CCDC148: variants seen among roughly 807,000 people sequenced by gnomAD.
CCDC148 encodes coiled-coil domain-containing protein 148.
A neutral mutation model predicts 85.7 loss-of-function variants in CCDC148; 89 were observed. The observed-to-expected ratio is 1.04, with a 90% CI of 0.87 to 1.24. The LOEUF is 1.24. CCDC148 is among the 50% of genes most tolerant of loss of function. CCDC148 has a pLI of 0.00. For missense variants in CCDC148, 692 were observed against 671.7 expected (o/e 1.03, Z -0.33); for synonymous variants, 230 against 213.9 (o/e 1.08, Z -0.66).
At chr2:158,347,855 A>C (rs1285026506) in intron 2 of CCDC148, among the ~76,000 whole-genome samples, 1 of 152,090 alleles carries the variant, frequency 6.6e-6, no homozygotes, top group Non-Finnish European at 1.5e-5. Flanking sequence ...AGATATATAC[A>C]TTTTACTATA....
At chr2:158,395,430 G>C (rs1035084862) in intron 1 of CCDC148, among the ~76,000 whole-genome samples, 13 of 152,118 alleles carry the variant, frequency 8.5e-5, no homozygotes, top group African/African-American at 2.9e-4. Flanking sequence ...ATGTTAACAA[G>C]TGAATGAAGG....
chr2:158,395,788 T>C (rs1685495509), intron 1 of CCDC148, among the ~76,000 whole-genome samples: 1 of 152,104 alleles, frequency 6.6e-6, no homozygotes, highest in Non-Finnish European at 1.5e-5. Context: ...TTTGGCAAGT[T>C]GCTGCTATTA....
At position 158,309,649 on chromosome 2, in the gene CCDC148, T is replaced by C. The variant is rs1691877696; in HGVS notation, c.904-10A>G. On this transcript the variant is annotated splice_polypyrimidine_tract_variant and intron_variant, in intron 8 of 13. Coordinates refer to ENST00000283233, the MANE Select transcript of CCDC148 (RefSeq NM_138803.4). ...ATTTCTCGTGTTCAACCTGAAAAGA[T>C]AACAGAGGGTGAATACTTATCATTA... 1.3e-6 allele frequency: 2 copies of C among 1,585,386 alleles called. No individual in the cohort carries two copies. The highest frequency in any genetic ancestry group is 1.3e-5 in the African/African-American group (1 of 74,308).
Position 158,406,872 on chromosome 2 carries a change from C to G in CCDC148, c.26-48302G>C, listed in dbSNP as rs577832809. On this transcript the variant is annotated intron_variant, in intron 1 of 13. Transcript: ENST00000283233. ...TCCTGAACTCCAGTGAGTCTCCCAC[C>G]TCTGCCTCTCAAAGTGCAGGGATTA... 3.3e-5 allele frequency among the ~76,000 whole-genome samples: 5 copies of G among 152,126 alleles called. No homozygotes were observed. In the East Asian group the frequency reaches 9.7e-4, roughly 29 times the overall value.
chr2:158,221,520 T>G (rs1029352954), intron 10 of CCDC148, among the ~76,000 whole-genome samples: 1 of 152,188 alleles, frequency 6.6e-6, no homozygotes, highest in South Asian at 2.1e-4. Context: ...GACTGGCTCT[T>G]GCAGGTGAGT....
intron 10 of CCDC148, among the ~76,000 whole-genome samples, chr2:158,227,207 T>C (rs1421403129): frequency 6.6e-6 from 1 of 151,802 alleles, no homozygotes. Context: ...CCATTCACAA[T>C]TGCTTCAAAG....
intron 10 of CCDC148, among the ~76,000 whole-genome samples, chr2:158,224,025 C>T (rs1392162410): frequency 6.6e-6 from 1 of 152,054 alleles, no homozygotes; most frequent in Non-Finnish European, 1.5e-5. Flanking sequence ...CTACTCCGAG[C>T]TAAAGGAGGA....
rs1377655375 is a variant in CCDC148 at position 158,270,697 on chromosome 2, CT to C, written c.1111-19786del. Among the ~76,000 whole-genome samples the C allele has an allele frequency of 2.0e-5, 3 of 152,308 alleles. No individual in the cohort carries two copies. The East Asian group carries it at 5.8e-4, about 29-fold the overall frequency. ...TCCGAAGGATAGATTTCTCAAGTTC[CT>C]TGATGGTGATACAAATATAGCTCAA... On this transcript the variant is annotated intron_variant, in intron 9 of 13. Coordinates refer to ENST00000283233, the MANE Select transcript of CCDC148 (RefSeq NM_138803.4).
intron 1 of CCDC148, among the ~76,000 whole-genome samples, chr2:158,369,187 G>GT (rs943243946): frequency 4.0e-5 from 6 of 151,788 alleles, no homozygotes; most frequent in South Asian, 2.1e-4. Flanking sequence ...GTTTAAAGTA[G>GT]TTTTTTTTCT....
At chr2:158,311,960 T>G (rs943500198) in intron 8 of CCDC148, among the ~76,000 whole-genome samples, 7 of 152,140 alleles carry the variant, frequency 4.6e-5, no homozygotes, top group Admixed American at 4.6e-4. Context: ...AAAACCTCTG[T>G]GGGTCATTCT....
In CCDC148 at chr2:158,176,509, T is replaced by C; in HGVS notation, c.1629+12A>G. ...TGGCTTTTTCATCAGTCATGCTAAT[T>C]TCCATAATTACCTGCTGTTCATTGT... On this transcript the variant is annotated intron_variant, in intron 13 of 13. Transcript: ENST00000283233. 1 of 1,608,816 alleles carries C rather than the reference T, an allele frequency of 6.2e-7. No individual in the cohort carries two copies. The highest frequency in any genetic ancestry group is 8.5e-7 in the Non-Finnish European group (1 of 1,176,342).
intron 1 of CCDC148, among the ~76,000 whole-genome samples, chr2:158,429,221 C>T (rs191370250): frequency 7.2e-5 from 11 of 152,150 alleles, no homozygotes; most frequent in Non-Finnish European, 1.5e-4. Flanking sequence ...ACCAACATGG[C>T]ACATGTATAC....
At chr2:158,313,943 T>G in intron 7 of CCDC148, 49 bp from the exon 8 acceptor site, 1 of 1,575,486 alleles carries the variant, frequency 6.3e-7, no homozygotes, top group East Asian at 2.3e-5. Context: ...ATCATGAAAT[T>G]TGAGGGACTC....
intron 11 of CCDC148, among the ~76,000 whole-genome samples, chr2:158,192,247 A>G (rs1419513056): frequency 6.6e-6 from 1 of 152,062 alleles, no homozygotes. Flanking sequence ...ATTAAGCTAG[A>G]GATGTCCATA....
intron 9 of CCDC148, among the ~76,000 whole-genome samples, chr2:158,268,926 T>A (rs964716922): frequency 3.9e-5 from 6 of 152,186 alleles, no homozygotes; most frequent in African/African-American, 1.4e-4. Flanking sequence ...TGAATACTAT[T>A]CTGTTGGATA....
intron 1 of CCDC148, among the ~76,000 whole-genome samples, chr2:158,445,361 A>T (rs1688116933): frequency 6.6e-6 from 1 of 152,098 alleles, no homozygotes; most frequent in South Asian, 2.1e-4. Context: ...CATCATTTAG[A>T]AGTGTCCAAA....
At chr2:158,358,297 G>A (rs186455552) in intron 2 of CCDC148, 152 bp downstream of exon 2, 30 of 825,730 alleles carry the variant, frequency 3.6e-5, no homozygotes, top group Middle Eastern at 6.8e-4. Flanking sequence ...GAGAGCATTC[G>A]ATAAATGTTA....
At position 158,227,460 on chromosome 2, in the gene CCDC148, G is replaced by A. The variant is rs374104410; in HGVS notation, c.1252-6747C>T. 1.3e-4 allele frequency among the ~76,000 whole-genome samples: 20 copies of A among 151,912 alleles called. No homozygotes were observed. The South Asian group carries it at 2.9e-3, about 22-fold the overall frequency. On this transcript the variant is annotated intron_variant, in intron 10 of 13. Coordinates refer to ENST00000283233, the MANE Select transcript of CCDC148 (RefSeq NM_138803.4). The stretch of plus-strand genomic sequence containing the variant: ...TCACAGAATTGGAAAAAACTACTTT[G>A]AAGTTCATATGGAACCAAAAAAGAG...
intron 1 of CCDC148, among the ~76,000 whole-genome samples, chr2:158,452,875 A>G (rs188377556): frequency 1.4e-3 from 218 of 152,332 alleles, no homozygotes; most frequent in African/African-American, 5.1e-3. Flanking sequence ...TCATGACCCC[A>G]CTGTTTTCCA....
Sources: gnomAD v4.1 joint callset for allele counts (sites outside exome capture counted in the v4.1 genomes callset) on GRCh38, gnomAD v4.1.1 for gene constraint, MANE v1.5 for transcripts, NCBI Gene and HGNC (gene_info 2026-07-23, HGNC 2026-07-21) for gene names.